Variants in ARHGAP10 observed in about 807,000 individuals in gnomAD.
The protein encoded by ARHGAP10 is Rho GTPase activating protein 10.
In ARHGAP10, 87 loss-of-function variants were observed where a neutral mutation model predicts 108.6. The ratio of observed to expected loss-of-function variants is 0.80; its 90% confidence interval spans 0.67 to 0.96. The LOEUF is 0.96. ARHGAP10 is among the 40% of genes least tolerant of loss of function. The pLI, the probability that ARHGAP10 is intolerant of heterozygous loss-of-function variation, is 0.00. For missense variants in ARHGAP10, 939 were observed against 954.5 expected, an observed-to-expected ratio of 0.98 and a Z score of 0.21; for synonymous variants, 347 against 341.1, an observed-to-expected ratio of 1.02 and a Z score of -0.19.
At chr4:147,855,482 G>A (rs1454555898) in intron 4 of ARHGAP10, among the ~76,000 whole-genome samples, 1 of 152,094 alleles carries the variant, frequency 6.6e-6, no homozygotes, top group East Asian at 1.9e-4. Context: ...GAAAAATAAA[G>A]TCTTCTGATC....
At position 147,790,135 on chromosome 4, in the gene ARHGAP10, G is replaced by C. The variant is rs1056477524; in HGVS notation, c.155-32592G>C. Among the ~76,000 whole-genome samples the C allele has an allele frequency of 9.9e-5, 15 of 151,914 alleles. No individual in the cohort carries two copies. The East Asian group carries it at 2.7e-3, about 27-fold the overall frequency. ...TGGGAAGTCCAAGATCAAGGTGCTG[G>C]TATATTCGGTATCTGGTGAGGGCCC... On this transcript the variant is annotated intron_variant, in intron 1 of 22. Transcript: ENST00000336498.
chr4:148,057,649 G>A (rs541392268), intron 20 of ARHGAP10, among the ~76,000 whole-genome samples: 14 of 152,304 alleles, frequency 9.2e-5, no homozygotes, highest in Admixed American at 4.6e-4. Context: ...CATTAGCTCC[G>A]CACAGATGCT....
chr4:148,027,472 G>T (rs910320824), intron 19 of ARHGAP10, among the ~76,000 whole-genome samples: 4 of 152,196 alleles, frequency 2.6e-5, no homozygotes, highest in Admixed American at 6.5e-5. Context: ...GTCCTACAGC[G>T]TGGTAGATAC....
intron 13 of ARHGAP10, among the ~76,000 whole-genome samples, chr4:147,923,398 A>G (rs1737326843): frequency 6.6e-6 from 1 of 151,852 alleles, no homozygotes; most frequent in Non-Finnish European, 1.5e-5. Context: ...ACAAAGTAAC[A>G]CTCTTTTGCT....
At chr4:148,023,048 T>C (rs1313709869) in intron 18 of ARHGAP10, 1 of 479,566 alleles carries the variant, frequency 2.1e-6, no homozygotes, top group Non-Finnish European at 3.7e-6. Context: ...TCTGATGTTG[T>C]TTTGATTTAA....
Position 147,733,047 on chromosome 4 carries a change from C to T in ARHGAP10, c.154+592C>T, listed in dbSNP as rs147551361. On this transcript the variant is annotated intron_variant, in intron 1 of 22. Transcript: ENST00000336498. ...CACCTGGCTTTATGCTGCTTCCGCA[C>T]ATTCCTCCCCTGCCGTGCTGAGGAG... Among the ~76,000 whole-genome samples the T allele has an allele frequency of 1.8e-3, 275 of 152,266 alleles. 2 individuals carry two copies. Among genetic ancestry groups the T allele is most frequent in the African/African-American group, 6.3e-3 (262 of 41,562 alleles).
intron 18 of ARHGAP10, among the ~76,000 whole-genome samples, chr4:147,997,737 T>G (rs1740535190): frequency 6.6e-6 from 1 of 152,240 alleles, no homozygotes; most frequent in Non-Finnish European, 1.5e-5. Context: ...AGATTAATTC[T>G]GAGGTTGATA....
chr4:147,850,155 C>T (rs2126821876), intron 4 of ARHGAP10, among the ~76,000 whole-genome samples: 1 of 152,294 alleles, frequency 6.6e-6, no homozygotes, highest in Non-Finnish European at 1.5e-5. Flanking sequence ...AATCAGTGCT[C>T]TTTGTCTAGC....
At chr4:147,898,102 C>G (rs868731556) in intron 10 of ARHGAP10, among the ~76,000 whole-genome samples, 1 of 151,984 alleles carries the variant, frequency 6.6e-6, no homozygotes, top group African/African-American at 2.4e-5. Context: ...ACGTATTTGT[C>G]CTTTATGGTT....
chr4:148,050,787 TTGTA>T (rs1326793089), intron 20 of ARHGAP10, among the ~76,000 whole-genome samples: 2 of 152,250 alleles, frequency 1.3e-5, no homozygotes, highest in Non-Finnish European at 2.9e-5. Flanking sequence ...TAAGTTCTCA[TTGTA>T]TGTTCTCTTC....
intron 18 of ARHGAP10, among the ~76,000 whole-genome samples, chr4:147,985,989 T>C (rs1740030841): frequency 1.3e-5 from 2 of 152,218 alleles, no homozygotes; most frequent in African/African-American, 4.8e-5. Context: ...TGGGGTGTCC[T>C]TTGCTGTTGA....
intron 11 of ARHGAP10, among the ~76,000 whole-genome samples, chr4:147,908,778 C>T (rs188574776): frequency 1.1e-4 from 17 of 152,264 alleles, no homozygotes; most frequent in South Asian, 4.1e-4. Flanking sequence ...CATAGCTGTA[C>T]GGCTGAGTAT....
rs1231669241 is a variant in ARHGAP10, at chr4:148,070,180, C to A, written c.2273-1813C>A. ...GTCTCTCCTATATATACACGTATGC[C>A]TGCACACACGCACACAGAACATGTA... On this transcript the variant is annotated intron_variant, in intron 22 of 22. Transcript: ENST00000336498. Among the ~76,000 whole-genome samples, 3 of 152,300 alleles carry A rather than the reference C, an allele frequency of 2.0e-5. No individual in the cohort carries two copies. In the East Asian group the frequency reaches 5.8e-4, roughly 29 times the overall value.
intron 19 of ARHGAP10, among the ~76,000 whole-genome samples, chr4:148,045,684 G>C (rs1728843985): frequency 7.4e-6 from 1 of 135,776 alleles, no homozygotes; most frequent in South Asian, 2.3e-4. Flanking sequence ...CTTGCGGTGA[G>C]CCGAGATCGC....
intron 12 of ARHGAP10, among the ~76,000 whole-genome samples, chr4:147,911,837 A>G (rs1736749347): frequency 6.6e-6 from 1 of 152,036 alleles, no homozygotes; most frequent in South Asian, 2.1e-4. Flanking sequence ...ATAAAATATT[A>G]TTTTAAAAGC....
chr4:147,875,650 C>T (rs1735027666), intron 8 of ARHGAP10, among the ~76,000 whole-genome samples: 1 of 152,146 alleles, frequency 6.6e-6, no homozygotes, highest in African/African-American at 2.4e-5. Context: ...TTCCTTCATA[C>T]CATTTTTGTT....
At chr4:147,966,565 G>C (rs1018003573) in intron 17 of ARHGAP10, 115 bp from the exon 18 acceptor site, 1 of 924,402 alleles carries the variant, frequency 1.1e-6, no homozygotes, top group Non-Finnish European at 1.6e-6. Flanking sequence ...GATGTTGAGG[G>C]TGGTTAAGTC....
In ARHGAP10 at chr4:147,911,994, CGT is replaced by C. The variant is rs36217593; in HGVS notation, c.1163-1035_1163-1034del. 6.5e-3 allele frequency among the ~76,000 whole-genome samples: 881 copies of C among 135,398 alleles called. 7 individuals are homozygous for C. Among genetic ancestry groups the C allele is most frequent in the Middle Eastern group, 0.022 (6 of 278 alleles). The allele number at this position is 135,398 out of a possible 152,430, so 88.8% of individuals were successfully genotyped here. A position where few individuals can be genotyped will look rare whatever the true frequency, so the allele number is the denominator to read the frequency against. On this transcript the variant is annotated intron_variant, in intron 12 of 22. Transcript: ENST00000336498. The stretch of plus-strand genomic sequence containing the variant: ...TTCTCAAGTAATTTAAGAACATTCA[CGT>C]GTGTGTGTGTGTGTGTGTGTGTGTG...
intron 19 of ARHGAP10, among the ~76,000 whole-genome samples, chr4:148,042,904 AT>A (rs1055260392): frequency 3.7e-4 from 56 of 151,980 alleles, no homozygotes; most frequent in African/African-American, 1.2e-3. Flanking sequence ...GGGTCTTCAG[AT>A]TTTTTTTCCC....
Sources: gnomAD v4.1 joint callset for allele counts (sites outside exome capture counted in the v4.1 genomes callset) on GRCh38, gnomAD v4.1.1 for gene constraint, MANE v1.5 for transcripts, NCBI Gene and HGNC (gene_info 2026-07-23, HGNC 2026-07-21) for gene names.